The following MAPKAP1 variants were observed in gnomAD, a reference collection of about 807,000 sequenced individuals.
MAPKAP1 encodes target of rapamycin complex 2 subunit MAPKAP1.
A neutral mutation model predicts 65.7 loss-of-function variants in MAPKAP1; 20 were observed. The observed-to-expected ratio is 0.30, with a 90% CI of 0.21 to 0.44. The LOEUF (loss-of-function observed/expected upper bound fraction) is 0.44. MAPKAP1 is among the 20% of genes least tolerant of loss of function. The probability of loss-of-function intolerance (pLI) is 1.00; values close to 1 mark genes in which losing one functional copy is unlikely to be tolerated. For synonymous variants in MAPKAP1, 222 were observed against 244.3 expected (o/e 0.91, Z 0.85); for missense variants, 423 against 648.0 (o/e 0.65, Z 3.77).
intron 1 of MAPKAP1, among the ~76,000 whole-genome samples, chr9:125,701,143 G>C (rs1835583309): frequency 6.6e-6 from 1 of 152,104 alleles, no homozygotes; most frequent in Non-Finnish European, 1.5e-5. Flanking sequence ...AGAAAGCTTG[G>C]CATCCCGAAA....
At chr9:125,618,518 A>G (rs574374207) in intron 4 of MAPKAP1, among the ~76,000 whole-genome samples, 2 of 152,260 alleles carry the variant, frequency 1.3e-5, no homozygotes, top group Admixed American at 6.5e-5. Context: ...ATGTTGGTCT[A>G]TATTTAGTAA....
chr9:125,676,160 G>C (rs1834637470), intron 1 of MAPKAP1, among the ~76,000 whole-genome samples: 1 of 152,116 alleles, frequency 6.6e-6, no homozygotes, highest in Non-Finnish European at 1.5e-5. Flanking sequence ...ACAATATGAA[G>C]GAATGAAAAC....
intron 9 of MAPKAP1, 61 bp downstream of exon 9, chr9:125,484,382 C>A: frequency 6.6e-7 from 1 of 1,505,390 alleles, no homozygotes; most frequent in East Asian, 2.4e-5. Flanking sequence ...TTGTTTCTTT[C>A]CCCATTTCTA....
chr9:125,480,971 CGG>C (rs34764390), intron 9 of MAPKAP1, among the ~76,000 whole-genome samples: 1 of 68,526 alleles, frequency 1.5e-5, no homozygotes, highest in Non-Finnish European at 2.5e-5. Flanking sequence ...GACTCCGTTT[CGG>C]GGAAAAAAAA....
At chr9:125,696,601 G>A (rs1265371181) in intron 1 of MAPKAP1, among the ~76,000 whole-genome samples, 1 of 151,110 alleles carries the variant, frequency 6.6e-6, no homozygotes, top group Non-Finnish European at 1.5e-5. Context: ...TCTTATAAAT[G>A]CATATATGAA....
intron 4 of MAPKAP1, among the ~76,000 whole-genome samples, chr9:125,652,918 T>A (rs1833933565): frequency 6.6e-6 from 1 of 152,216 alleles, no homozygotes; most frequent in Non-Finnish European, 1.5e-5. Flanking sequence ...AAATCCTGGC[T>A]TTTAAAAACA....
chr9:125,578,142 G>C (rs1195661401), intron 5 of MAPKAP1, among the ~76,000 whole-genome samples: 2 of 152,094 alleles, frequency 1.3e-5, no homozygotes, highest in Non-Finnish European at 2.9e-5. Context: ...CCCCAACCCG[G>C]TGCTCTCTGA....
chr9:125,547,450 T>C (rs149950935), intron 6 of MAPKAP1, among the ~76,000 whole-genome samples: 116 of 152,270 alleles, frequency 7.6e-4, no homozygotes, highest in African/African-American at 2.6e-3. Flanking sequence ...GCCGCATCCA[T>C]GAAATGAGTA....
chr9:125,686,318 A>T (rs1453238454), intron 1 of MAPKAP1, among the ~76,000 whole-genome samples: 2 of 151,766 alleles, frequency 1.3e-5, no homozygotes, highest in African/African-American at 4.8e-5. Context: ...TCTCAAAAAA[A>T]AAAAAAAGAA....
chr9:125,541,239 G>A (rs509753), intron 7 of MAPKAP1, among the ~76,000 whole-genome samples: 75,175 of 152,030 alleles, frequency 0.49, 19,214 homozygotes, highest in East Asian at 0.66. Flanking sequence ...TATGATAAAC[G>A]CTGGGAATGG....
chr9:125,576,304 T>A (rs752919273), intron 5 of MAPKAP1, among the ~76,000 whole-genome samples: 22 of 152,284 alleles, frequency 1.4e-4, no homozygotes, highest in African/African-American at 2.2e-4. Flanking sequence ...ATAATATTGG[T>A]TCATCAACTT....
At chr9:125,596,295 G>A (rs10124716) in intron 4 of MAPKAP1, 28 of 759,998 alleles carry the variant, frequency 3.7e-5, no homozygotes, top group African/African-American at 2.5e-4. Flanking sequence ...AGGTGACTTC[G>A]GTAGGAATGA....
At chr9:125,518,854 G>T (rs543291376) in intron 7 of MAPKAP1, among the ~76,000 whole-genome samples, 1 of 152,288 alleles carries the variant, frequency 6.6e-6, no homozygotes, top group Admixed American at 6.5e-5. Flanking sequence ...AATCTGGAGG[G>T]TCATGAACCA....
intron 8 of MAPKAP1, among the ~76,000 whole-genome samples, chr9:125,488,380 T>C (rs1161864201): frequency 6.6e-6 from 1 of 151,760 alleles, no homozygotes; most frequent in Non-Finnish European, 1.5e-5. Flanking sequence ...CTCTCTCTCT[T>C]TTGAGACAGA....
chr9:125,484,745 TG>T (rs1158140895), intron 8 of MAPKAP1, among the ~76,000 whole-genome samples, 162 bp from the exon 9 acceptor site: 2 of 152,154 alleles, frequency 1.3e-5, no homozygotes, highest in Admixed American at 1.3e-4. Context: ...AAACAGAGAA[TG>T]GTAACATATT....
In MAPKAP1 at chr9:125,674,789, C is replaced by G. The variant is rs538691813; in HGVS notation, c.-69-2146G>C. Among the ~76,000 whole-genome samples, 3 of 152,210 alleles carry G rather than the reference C, an allele frequency of 2.0e-5. No homozygotes were observed. The South Asian group carries it at 6.2e-4, about 32-fold the overall frequency. ...ATATATTCCTTGAGTACTTATTTTA[C>G]TCTGAGGCTAATGGGAAATGCAAAG... On this transcript the variant is annotated intron_variant, in intron 1 of 11. Coordinates refer to ENST00000265960, the MANE Select transcript of MAPKAP1 (RefSeq NM_001006617.3).
At position 125,706,755 on chromosome 9, in the gene MAPKAP1, GCTT is replaced by G. The variant is rs145092915; in HGVS notation, c.-70+213_-70+215del. Reference sequence around the variant, plus strand: ...CACCCCCACACTACCAGGTCAGCTGGCTTCTTTTCCCCTAAACCACACACCCGC... The same window carrying G: ...CACCCCCACACTACCAGGTCAGCTGGCTTTTCCCCTAAACCACACACCCGC... On this transcript the variant is annotated intron_variant, in intron 1 of 11. Coordinates refer to ENST00000265960, the MANE Select transcript of MAPKAP1 (RefSeq NM_001006617.3). Among the ~76,000 whole-genome samples, 79 of 152,082 alleles carry G rather than the reference GCTT, an allele frequency of 5.2e-4. No individual in the cohort carries two copies. In the East Asian group the frequency reaches 0.015, roughly 30 times the overall value.
chr9:125,702,740 T>C (rs1330652396), intron 1 of MAPKAP1, among the ~76,000 whole-genome samples: 1 of 151,034 alleles, frequency 6.6e-6, no homozygotes, highest in Non-Finnish European at 1.5e-5. Context: ...TAGTCCCAGC[T>C]ACTCAGGAGG....
At chr9:125,479,356 G>A (rs1397850627) in intron 9 of MAPKAP1, among the ~76,000 whole-genome samples, 1 of 152,100 alleles carries the variant, frequency 6.6e-6, no homozygotes, top group East Asian at 1.9e-4. Flanking sequence ...GAGGTGGGTG[G>A]GTCACCTGAG....
Sources: gnomAD v4.1 joint callset for allele counts (sites outside exome capture counted in the v4.1 genomes callset) on GRCh38, gnomAD v4.1.1 for gene constraint, MANE v1.5 for transcripts, NCBI Gene and HGNC (gene_info 2026-07-23, HGNC 2026-07-21) for gene names.